The following ATP11A variants were observed in gnomAD, a reference collection of about 807,000 sequenced individuals.
ATP11A encodes the protein ATPase phospholipid transporting 11A.
In ATP11A, 81 loss-of-function variants were observed where a neutral mutation model predicts 154.4. The ratio of observed to expected loss-of-function variants is 0.52; its 90% CI spans 0.44 to 0.63. The LOEUF is 0.63. Ranked by LOEUF, ATP11A falls within the 30% of genes least tolerant of loss-of-function variation. ATP11A has a pLI of 0.00. For synonymous variants in ATP11A, 623 were observed against 585.9 expected (o/e 1.06, Z -0.91); for missense variants, 1,316 against 1,474.3 (o/e 0.89, Z 1.76).
intron 14 of ATP11A, among the ~76,000 whole-genome samples, chr13:112,833,784 G>A (rs1566547492): frequency 6.6e-6 from 1 of 152,182 alleles, no homozygotes; most frequent in Non-Finnish European, 1.5e-5. Flanking sequence ...GCTTCTTGGA[G>A]CTGGGTTTCT....
At chr13:112,700,335 C>T (rs187135332) in intron 1 of ATP11A, among the ~76,000 whole-genome samples, 132 of 152,268 alleles carry the variant, frequency 8.7e-4, no homozygotes, top group African/African-American at 2.8e-3. Context: ...TGGGCACCTC[C>T]GGGAGGCAGC....
At chr13:112,865,548 G>GT (rs1352018916) in intron 25 of ATP11A, among the ~76,000 whole-genome samples, 6 of 151,876 alleles carry the variant, frequency 4.0e-5, no homozygotes, top group African/African-American at 7.2e-5. Flanking sequence ...GTTTTTTTTT[G>GT]TTTTTTTGTT....
intron 29 of ATP11A, chr13:112,880,785 A>C (rs1010546040): frequency 6.1e-6 from 7 of 1,151,934 alleles, no homozygotes; most frequent in Non-Finnish European, 7.6e-6. Flanking sequence ...TTACACACAC[A>C]TGCATTTGCT....
intron 1 of ATP11A, among the ~76,000 whole-genome samples, chr13:112,765,584 G>A (rs747607414): frequency 5.3e-5 from 8 of 152,232 alleles, no homozygotes; most frequent in South Asian, 2.1e-4. Context: ...AGGAAGAAGC[G>A]CTCAGTCGAT....
At chr13:112,722,792 G>T (rs1002519547) in intron 1 of ATP11A, among the ~76,000 whole-genome samples, 1 of 152,226 alleles carries the variant, frequency 6.6e-6, no homozygotes, top group Non-Finnish European at 1.5e-5. Context: ...GTCCAAGGTG[G>T]TGGGGCTGGT....
Position 112,785,328 on chromosome 13 carries a change from C to A in ATP11A, c.162+71C>A. 1.5e-6 allele frequency: 2 copies of A among 1,343,158 alleles called. No homozygotes were observed. Among genetic ancestry groups the A allele is most frequent in the South Asian group, 2.2e-5 (1 of 45,278 alleles). 83.2% of individuals were successfully genotyped at this position (1,343,158 alleles called of 1,614,324 possible). On this transcript the variant is annotated intron_variant, in intron 2 of 29. Coordinates refer to ENST00000375645, the MANE Select transcript of ATP11A (RefSeq NM_015205.3). The surrounding 1 kb of genome is among the most constrained non-coding windows in gnomAD (Gnocchi z 4.8). The stretch of plus-strand genomic sequence containing the variant: ...GCTGCCGGGGGGTGTTAGTGCTTCT[C>A]GGTTTCAAAGAGCGGCTCTGCTCCT...
At chr13:112,773,198 G>A (rs572319654) in intron 1 of ATP11A, among the ~76,000 whole-genome samples, 2 of 148,988 alleles carry the variant, frequency 1.3e-5, no homozygotes, top group Non-Finnish European at 2.9e-5. Context: ...GAGCTGTGGC[G>A]CCTCCTGCCC....
At position 112,825,459 on chromosome 13, in the gene ATP11A, TCTGC is replaced by T; in HGVS notation, c.903_906del (p.Cys302PhefsTer2). On this transcript the variant is annotated frameshift_variant, in exon 11 of 30. Coordinates refer to ENST00000375645, the MANE Select transcript of ATP11A (RefSeq NM_015205.3). LOFTEE classifies it high-confidence loss of function. ...ATGAATGCGTTCCTCATTGTGTATC[TCTGC>T]ATTCTGATCAGCAAAGCCCTGATAA... is the stretch of plus-strand genomic sequence containing the variant. 6.2e-7 allele frequency: 1 copy of T among 1,613,490 alleles called. No homozygotes were observed. Among genetic ancestry groups the T allele is most frequent in the South Asian group, 1.1e-5 (1 of 90,910 alleles).
At chr13:112,735,478 T>C (rs1455886277) in intron 1 of ATP11A, among the ~76,000 whole-genome samples, 5 of 152,178 alleles carry the variant, frequency 3.3e-5, no homozygotes, top group Non-Finnish European at 7.3e-5. Context: ...AGCATTTTAT[T>C]TGTATAAATT....
At chr13:112,692,533 C>T (rs1390350251) in intron 1 of ATP11A, among the ~76,000 whole-genome samples, 1 of 152,166 alleles carries the variant, frequency 6.6e-6, no homozygotes, top group Admixed American at 6.5e-5. Flanking sequence ...TTTTAATTCC[C>T]CTTTGCTGTA....
intron 18 of ATP11A, 44 bp downstream of exon 18, chr13:112,851,262 T>C: frequency 6.3e-7 from 1 of 1,585,486 alleles, no homozygotes; most frequent in East Asian, 2.2e-5. Context: ...CAAACTGGGA[T>C]GCAGGCCGAC....
intron 25 of ATP11A, among the ~76,000 whole-genome samples, chr13:112,863,046 GGCCCA>G (rs2080169584): frequency 4.7e-5 from 3 of 64,042 alleles, no homozygotes; most frequent in Non-Finnish European, 9.7e-5. Context: ...AGTTCAGTGC[GGCCCA>G]TGCAGCTTCC....
In ATP11A at chr13:112,825,412, T is replaced by TC; in HGVS notation, c.873-17dup. The TC allele has an allele frequency of 6.2e-7, 1 of 1,601,232 alleles. No individual in the cohort carries two copies. Among genetic ancestry groups the TC allele is most frequent in the Non-Finnish European group, 8.5e-7 (1 of 1,173,166 alleles). ...ATTTCCTCAGGGACCAGTGATCACC[T>TC]CTGTCCTTTTGTTTTAGATCGATGA... On this transcript the variant is annotated splice_polypyrimidine_tract_variant and intron_variant, in intron 10 of 29. Coordinates refer to ENST00000375645, the MANE Select transcript of ATP11A (RefSeq NM_015205.3).
intron 1 of ATP11A, among the ~76,000 whole-genome samples, chr13:112,749,753 A>C (rs1399409533): frequency 6.8e-6 from 1 of 146,082 alleles, no homozygotes; most frequent in Non-Finnish European, 1.5e-5. Flanking sequence ...AGGGAAGGAG[A>C]ATCTCCATCC....
intron 25 of ATP11A, among the ~76,000 whole-genome samples, chr13:112,864,328 G>A (rs1349209714): frequency 2.4e-5 from 2 of 82,176 alleles, no homozygotes; most frequent in African/African-American, 4.5e-5. Flanking sequence ...CACCACATGG[G>A]CAGTAATTCA....
At chr13:112,706,724 A>C (rs532600053) in intron 1 of ATP11A, among the ~76,000 whole-genome samples, 1 of 152,340 alleles carries the variant, frequency 6.6e-6, no homozygotes, top group African/African-American at 2.4e-5. Flanking sequence ...CTTATATTGA[A>C]ATAGCTCTTT....
chr13:112,740,115 T>C (rs1891381951), intron 1 of ATP11A, among the ~76,000 whole-genome samples: 1 of 150,620 alleles, frequency 6.6e-6, no homozygotes, highest in African/African-American at 2.4e-5. Flanking sequence ...GTGAATTTTA[T>C]AGCATGTGAA....
At chr13:112,861,513 C>T (rs886621776) in intron 24 of ATP11A, among the ~76,000 whole-genome samples, 2 of 152,214 alleles carry the variant, frequency 1.3e-5, no homozygotes, top group African/African-American at 4.8e-5. Flanking sequence ...GTACATGACA[C>T]GTGTATGTGT....
intron 1 of ATP11A, among the ~76,000 whole-genome samples, chr13:112,710,170 A>T (rs1387409121): frequency 6.6e-6 from 1 of 152,176 alleles, no homozygotes; most frequent in African/African-American, 2.4e-5. Context: ...AGTGTCATCC[A>T]TGTGGTCCTC....
Sources: gnomAD v4.1 joint callset for allele counts (sites outside exome capture counted in the v4.1 genomes callset) on GRCh38, gnomAD v4.1.1 for gene constraint, Gnocchi (gnomAD v3.1) non-coding constraint, MANE v1.5 for transcripts, NCBI Gene and HGNC (gene_info 2026-07-23, HGNC 2026-07-21) for gene names.